The following CLVS1 variants were observed in gnomAD, a reference collection of about 807,000 sequenced individuals.
CLVS1 encodes clavesin-1.
CLVS1 carries 10 observed loss-of-function variants against 33.1 expected under a neutral mutation model. That is an observed-to-expected ratio of 0.30 (90% CI 0.19 to 0.51). The LOEUF (loss-of-function observed/expected upper bound fraction) is 0.51, where lower values mean the gene tolerates loss of function less well. CLVS1 is among the 20% of genes least tolerant of loss of function. CLVS1 has a pLI of 0.97. For missense variants in CLVS1, 343 were observed against 433.4 expected, an observed-to-expected ratio of 0.79 and a Z score of 1.85; for synonymous variants, 163 against 166.1, an observed-to-expected ratio of 0.98 and a Z score of 0.14.
chr8:61,484,215 T>TAAG (rs1803779634), intron 5 of CLVS1, among the ~76,000 whole-genome samples: 1 of 152,198 alleles, frequency 6.6e-6, no homozygotes, highest in Admixed American at 6.5e-5. Flanking sequence ...GCCCTAAATC[T>TAAG]CCTTAAGTTG....
chr8:61,453,650 C>T (rs1466083297), intron 3 of CLVS1, among the ~76,000 whole-genome samples: 1 of 152,082 alleles, frequency 6.6e-6, no homozygotes, highest in Non-Finnish European at 1.5e-5. Context: ...CTTTGAAATC[C>T]TTTTGCAACT....
intron 1 of CLVS1, among the ~76,000 whole-genome samples, chr8:61,059,475 C>CATACATACATATATAT (rs59538219): frequency 1.4e-4 from 7 of 50,200 alleles, no homozygotes; most frequent in East Asian, 1.2e-3. Context: ...TACATACATA[C>CATACATACATATATAT]ATATATATAT....
rs565978547 is a variant in CLVS1, at chr8:61,327,796, T to TATTA, written c.455+27515_455+27518dup. Among the ~76,000 whole-genome samples, 411 of 152,226 alleles carry TATTA rather than the reference T, an allele frequency of 2.7e-3. 2 individuals carry two copies. The highest frequency in any genetic ancestry group is 4.2e-3 in the Non-Finnish European group (284 of 67,996). ...TATCAACATTTAAGACCCCTCACAT[T>TATTA]ATTAGTAGCATGGATTTCTCCTTCT... On this transcript the variant is annotated intron_variant, in intron 2 of 5. Transcript: ENST00000325897.
At chr8:61,420,578 G>T (rs1815619412) in intron 3 of CLVS1, among the ~76,000 whole-genome samples, 1 of 151,826 alleles carries the variant, frequency 6.6e-6, no homozygotes, top group South Asian at 2.1e-4. Flanking sequence ...CTCCAGCCTG[G>T]GCAACAGAGC....
At chr8:61,152,690 C>T (rs2017819) in intron 2 of CLVS1, among the ~76,000 whole-genome samples, 32,943 of 152,070 alleles carry the variant, frequency 0.22, 3,678 homozygotes, top group Admixed American at 0.28. Flanking sequence ...CTCAAAGGCC[C>T]CACTTCTCAG....
chr8:61,165,755 G>C (rs1453722155), intron 2 of CLVS1, among the ~76,000 whole-genome samples: 5 of 152,164 alleles, frequency 3.3e-5, no homozygotes, highest in Admixed American at 3.3e-4. Flanking sequence ...CATGTTCTCA[G>C]GACCTCCTGA....
intron 3 of CLVS1, among the ~76,000 whole-genome samples, chr8:61,432,085 G>A (rs201443765): frequency 1.3e-5 from 2 of 152,174 alleles, no homozygotes; most frequent in East Asian, 3.9e-4. Context: ...TGTTTTCAAT[G>A]TGCAATGCTC....
chr8:61,209,214 T>G (rs1807922186), intron 2 of CLVS1, among the ~76,000 whole-genome samples: 1 of 152,122 alleles, frequency 6.6e-6, no homozygotes, highest in Non-Finnish European at 1.5e-5. Flanking sequence ...GAATCATGGA[T>G]GTGTAAGGCA....
At chr8:61,426,100 C>T (rs55943694) in intron 3 of CLVS1, among the ~76,000 whole-genome samples, 3,648 of 152,244 alleles carry the variant, frequency 0.024, 153 homozygotes, top group African/African-American at 0.083. Context: ...AAGCCTGGCA[C>T]GCTTCCATCT....
At chr8:61,175,270 G>T (rs1807092309) in intron 2 of CLVS1, among the ~76,000 whole-genome samples, 1 of 152,152 alleles carries the variant, frequency 6.6e-6, no homozygotes, top group Admixed American at 6.5e-5. Flanking sequence ...TCATGAATGG[G>T]ATTAGTGCCC....
chr8:61,190,528 G>C (rs2978502), intron 2 of CLVS1, among the ~76,000 whole-genome samples: 78,539 of 151,824 alleles, frequency 0.52, 21,027 homozygotes, highest in Middle Eastern at 0.68. Context: ...AAGATCAGAG[G>C]AGAACTGAAG....
chr8:61,054,076 C>A (rs532162990), upstream of CLVS1, among the ~76,000 whole-genome samples: 1 of 152,208 alleles, frequency 6.6e-6, no homozygotes. Flanking sequence ...ATTTCTCTGA[C>A]GCCAGCTGCT....
At chr8:61,217,999 A>G (rs950609598) in intron 2 of CLVS1, among the ~76,000 whole-genome samples, 1 of 152,222 alleles carries the variant, frequency 6.6e-6, no homozygotes, top group East Asian at 1.9e-4. Flanking sequence ...AAGACAAAAA[A>G]TAACAAATGC....
At chr8:61,043,311 G>A in the CLVS1 span, among the ~76,000 whole-genome samples, 1 of 152,200 alleles carries the variant, frequency 6.6e-6, no homozygotes. Flanking sequence ...TCCCATATCA[G>A]GGTAGTTAAT....
At chr8:61,227,293 G>C (rs1360459982) in intron 2 of CLVS1, among the ~76,000 whole-genome samples, 1 of 125,148 alleles carries the variant, frequency 8.0e-6, no homozygotes, top group Non-Finnish European at 1.7e-5. Flanking sequence ...GGCGAGAAAT[G>C]CTTTTTTTTT....
At chr8:61,424,208 A>C (rs1048882470) in intron 3 of CLVS1, among the ~76,000 whole-genome samples, 3 of 152,228 alleles carry the variant, frequency 2.0e-5, no homozygotes, top group African/African-American at 7.2e-5. Context: ...TATTTGCTTC[A>C]TTAGTGCCTC....
At position 61,358,726 on chromosome 8, in the gene CLVS1, G is replaced by T. The variant is rs1165646211; in HGVS notation, c.456-17879G>T. ...ACCCAAACAGAGTATTAGAGAAAGA[G>T]CAATAGAATGTTAGAATATAACTCA... On this transcript the variant is annotated intron_variant, in intron 2 of 5. Coordinates refer to ENST00000325897, the MANE Select transcript of CLVS1 (RefSeq NM_173519.3). Among the ~76,000 whole-genome samples the T allele has an allele frequency of 2.0e-5, 3 of 152,162 alleles. No homozygotes were observed. The East Asian group carries it at 5.8e-4, about 29-fold the overall frequency.
intron 3 of CLVS1, among the ~76,000 whole-genome samples, chr8:61,427,992 A>T (rs190217277): frequency 1.3e-5 from 2 of 152,038 alleles, no homozygotes. Flanking sequence ...CCCAAAACAC[A>T]CTCCAAATCT....
At chr8:61,178,285 A>G (rs1454141477) in intron 2 of CLVS1, among the ~76,000 whole-genome samples, 3 of 152,212 alleles carry the variant, frequency 2.0e-5, no homozygotes. Flanking sequence ...AAGCAGGCAG[A>G]CAAAATTAGA....
Sources: gnomAD v4.1 joint callset for allele counts (sites outside exome capture counted in the v4.1 genomes callset) on GRCh38, gnomAD v4.1.1 for gene constraint, MANE v1.5 for transcripts, NCBI Gene and HGNC (gene_info 2026-07-23, HGNC 2026-07-21) for gene names.